The following CDH17 variants were observed in gnomAD, a reference collection of about 807,000 sequenced individuals.
CDH17 encodes the protein cadherin 17, also known as cadherin-17.
CDH17 carries 67 observed loss-of-function variants against 86.3 expected under a neutral mutation model. The observed-to-expected ratio is 0.78, with a 90% CI of 0.64 to 0.95. CDH17 has a LOEUF of 0.95. Among genes scored for constraint, CDH17 ranks in the 40% least tolerant of loss-of-function variants. The pLI is 0.00. For missense variants in CDH17, 993 were observed against 1,017.6 expected, an observed-to-expected ratio of 0.98 and a Z score of 0.33; for synonymous variants, 367 against 366.4, an observed-to-expected ratio of 1.00 and a Z score of -0.02.
chr8:94,192,867 T>C (rs1813712754), intron 2 of CDH17, among the ~76,000 whole-genome samples: 1 of 152,234 alleles, frequency 6.6e-6, no homozygotes, highest in African/African-American at 2.4e-5. Context: ...CTGATAAATC[T>C]ATCTCTTGGA....
At chr8:94,188,604 T>C (rs1279159018) in intron 3 of CDH17, among the ~76,000 whole-genome samples, 3 of 152,360 alleles carry the variant, frequency 2.0e-5, no homozygotes, top group East Asian at 3.9e-4. Flanking sequence ...GTGTCTTTAA[T>C]AGCACTTAAG....
At chr8:94,133,272 G>A (rs1307006238) in intron 15 of CDH17, among the ~76,000 whole-genome samples, 4 of 152,116 alleles carry the variant, frequency 2.6e-5, no homozygotes, top group East Asian at 1.9e-4. Flanking sequence ...CCATTTTCAC[G>A]ACATTGATTC....
At chr8:94,215,680 A>T (rs572566378) in intron 1 of CDH17, among the ~76,000 whole-genome samples, 1 of 152,334 alleles carries the variant, frequency 6.6e-6, no homozygotes, top group Non-Finnish European at 1.5e-5. Context: ...GTTCTTAAAA[A>T]AAGTATTCCC....
At chr8:94,209,060 G>T (rs1706180996), upstream of CDH17, among the ~76,000 whole-genome samples, 4 of 152,166 alleles carry the variant, frequency 2.6e-5, no homozygotes, top group South Asian at 2.1e-4. Flanking sequence ...ACACAATATG[G>T]CTGTGCCTGC....
At chr8:94,191,865 A>G (rs1377229225) in intron 2 of CDH17, among the ~76,000 whole-genome samples, 1 of 152,008 alleles carries the variant, frequency 6.6e-6, no homozygotes, top group Admixed American at 6.6e-5. Flanking sequence ...CTCCTTTTCC[A>G]CATCTTTTCC....
intron 2 of CDH17, 39 bp downstream of exon 2, chr8:94,194,596 T>C: frequency 2.9e-6 from 4 of 1,374,382 alleles, no homozygotes; most frequent in Non-Finnish European, 4.1e-6. Context: ...CAGAAAATAT[T>C]CTAGTAAACA....
chr8:94,217,223 CG>C (rs11324873), exon 1 of CDH17: 7,193 of 152,394 alleles, frequency 0.047, 595 homozygotes, highest in African/African-American at 0.16. Context: ...ATCAGACAAG[CG>C]GGGGTGGGGG....
chr8:94,169,061 T>A (rs1012285615), intron 9 of CDH17, among the ~76,000 whole-genome samples: 3 of 152,182 alleles, frequency 2.0e-5, no homozygotes, highest in African/African-American at 4.8e-5. Flanking sequence ...TAGAGCAATC[T>A]GTTTTGCAGA....
chr8:94,143,351 T>C (rs1812674191), intron 15 of CDH17, among the ~76,000 whole-genome samples: 1 of 152,220 alleles, frequency 6.6e-6, no homozygotes, highest in Non-Finnish European at 1.5e-5. Context: ...TGTAAACAGA[T>C]GTGCTGTCAT....
chr8:94,196,358 A>G (rs1813786009), intron 1 of CDH17, among the ~76,000 whole-genome samples: 1 of 152,248 alleles, frequency 6.6e-6, no homozygotes, highest in South Asian at 2.1e-4. Context: ...GAGATAAAGA[A>G]ACAATCCTTT....
chr8:94,131,839 CCT>C (rs1563562560), intron 15 of CDH17, among the ~76,000 whole-genome samples: 1 of 152,160 alleles, frequency 6.6e-6, no homozygotes, highest in African/African-American at 2.4e-5. Context: ...ACCCCCACCC[CCT>C]GACAGGCTCT....
At chr8:94,156,949 A>G (rs1812960430) in intron 12 of CDH17, among the ~76,000 whole-genome samples, 1 of 152,196 alleles carries the variant, frequency 6.6e-6, no homozygotes, top group African/African-American at 2.4e-5. Flanking sequence ...GCCACAAGCT[A>G]GTAAGTGGCA....
chr8:94,170,279 C>G, intron 9 of CDH17, 118 bp downstream of exon 9: 1 of 1,048,792 alleles, frequency 9.5e-7, no homozygotes, highest in Non-Finnish European at 1.4e-6. Context: ...CAGTCAACCT[C>G]TATGCTGTGG....
chr8:94,180,344 A>G (rs1450353269), intron 3 of CDH17, among the ~76,000 whole-genome samples: 1 of 152,164 alleles, frequency 6.6e-6, no homozygotes, highest in Non-Finnish European at 1.5e-5. Context: ...GGAAAGGAAA[A>G]AGGGGGAAAA....
In CDH17 at chr8:94,170,407, A is replaced by T; in HGVS notation, c.1056T>A (p.Asn352Lys). 3 of 1,613,580 alleles carry T rather than the reference A, an allele frequency of 1.9e-6. No individual in the cohort carries two copies. The highest frequency in any genetic ancestry group is 2.5e-6 in the Non-Finnish European group (3 of 1,179,746). ...SPVTVFEVQE[N>K]ERLGNSIGTL... ...GCTCTCATTTCTTACCCAGTCGTTC[A>T]TTCTCCTGGACCTCAAATACGGTTA... is the stretch of plus-strand genomic sequence containing the variant. Residue 352 changes from asparagine (N) to lysine (K), a missense_variant, in exon 9 of 18, where the codon AAT becomes AAA. By Grantham distance (94) the Asn-to-Lys change is moderately conservative. Transcript: ENST00000027335.
chr8:94,214,110 C>T (rs1323628973), intron 1 of CDH17, among the ~76,000 whole-genome samples: 1 of 152,244 alleles, frequency 6.6e-6, no homozygotes, highest in African/African-American at 2.4e-5. Context: ...AAACTCCACA[C>T]AGCCATAGTG....
intron 1 of CDH17, among the ~76,000 whole-genome samples, chr8:94,204,322 G>A (rs1232972736): frequency 6.6e-6 from 1 of 151,918 alleles, no homozygotes; most frequent in Non-Finnish European, 1.5e-5. Flanking sequence ...CCCAGGACAG[G>A]CCCCGATGTG....
At chr8:94,148,710 C>CTT in intron 14 of CDH17, 34 bp downstream of exon 14, 1 of 1,442,642 alleles carries the variant, frequency 6.9e-7, no homozygotes, top group Non-Finnish European at 9.1e-7. Flanking sequence ...AATCTGTGTT[C>CTT]CTTTTTTTTT....
chr8:94,211,283 T>C (rs1331976767), upstream of CDH17, among the ~76,000 whole-genome samples: 3 of 152,072 alleles, frequency 2.0e-5, no homozygotes, highest in Admixed American at 6.5e-5. Context: ...CAAAGCATGT[T>C]ACATTTCTAA....
Sources: allele counts gnomAD v4.1 joint callset (sites outside exome capture counted in the v4.1 genomes callset), GRCh38; gene constraint gnomAD v4.1.1; transcripts MANE v1.5; gene names NCBI Gene and HGNC (gene_info 2026-07-23, HGNC 2026-07-21).